CYFIP2: variants seen among roughly 807,000 people sequenced by gnomAD.
CYFIP2 encodes cytoplasmic FMR1 interacting protein 2.
CYFIP2 carries 29 observed loss-of-function variants against 158.7 expected under a neutral mutation model. The ratio of observed to expected loss-of-function variants is 0.18; its 90% CI spans 0.14 to 0.25. The LOEUF (loss-of-function observed/expected upper bound fraction) is 0.25, where lower values mean the gene tolerates loss of function less well. Ranked by LOEUF, CYFIP2 falls within the 10% of genes least tolerant of loss-of-function variation. The pLI, the probability that CYFIP2 is intolerant of heterozygous loss-of-function variation, is 1.00. For synonymous variants in CYFIP2, 585 were observed against 617.6 expected, an observed-to-expected ratio of 0.95 and a Z score of 0.78; for missense variants, 852 against 1,639.5, an observed-to-expected ratio of 0.52 and a Z score of 8.29.
At chr5:157,379,470 TAAAAAAAAACTTCCAAC>T (rs1466936064) in intron 26 of CYFIP2, among the ~76,000 whole-genome samples, 1 of 147,458 alleles carries the variant, frequency 6.8e-6, no homozygotes, top group Non-Finnish European at 1.5e-5. Context: ...TTCCTACTTA[TAAAAAAAAACTTCCAAC>T]AAAAAAAAAC....
intron 19 of CYFIP2, among the ~76,000 whole-genome samples, chr5:157,328,959 A>G (rs1330461725): frequency 6.6e-6 from 1 of 152,222 alleles, no homozygotes; most frequent in Non-Finnish European, 1.5e-5. Flanking sequence ...AATTTTATAT[A>G]TAGGTATTTC....
chr5:157,382,130 A>T (rs1456741279), intron 26 of CYFIP2, among the ~76,000 whole-genome samples: 1 of 152,182 alleles, frequency 6.6e-6, no homozygotes, highest in East Asian at 1.9e-4. Context: ...GAGAAAACCA[A>T]TCAGACATAG....
At chr5:157,326,749 C>T (rs1389798164) in intron 18 of CYFIP2, among the ~76,000 whole-genome samples, 1 of 152,174 alleles carries the variant, frequency 6.6e-6, no homozygotes, top group East Asian at 1.9e-4. Flanking sequence ...CCACCTTGAC[C>T]TTATGGATTC....
intron 25 of CYFIP2, 95 bp downstream of exon 25, chr5:157,360,467 G>GGCATGTT: frequency 4.1e-6 from 4 of 983,976 alleles, no homozygotes; most frequent in East Asian, 2.5e-5. Context: ...ACATGCCAGT[G>GGCATGTT]AGCTGGCAGA....
At chr5:157,312,995 A>G (rs1394210055) in intron 11 of CYFIP2, among the ~76,000 whole-genome samples, 1 of 152,220 alleles carries the variant, frequency 6.6e-6, no homozygotes, top group African/African-American at 2.4e-5. Context: ...TACAGGCATC[A>G]GCCGCTGCAC....
chr5:157,307,744 C>T lies in CYFIP2; in HGVS notation c.796-17C>T, dbSNP rs371375192. On this transcript the variant is annotated splice_polypyrimidine_tract_variant and intron_variant, in intron 8 of 30. Coordinates refer to ENST00000620254, the MANE Select transcript of CYFIP2 (RefSeq NM_001037333.3). Reference sequence around the variant, plus strand: ...AGATGTGATTAGTTTCTATGCTCTGCCCTCTTCTCATTCTAGGTGATGGGC... The same window carrying T: ...AGATGTGATTAGTTTCTATGCTCTGTCCTCTTCTCATTCTAGGTGATGGGC... The T allele has an allele frequency of 1.2e-4, 177 of 1,531,684 alleles. No homozygotes were observed. The highest frequency in any genetic ancestry group is 1.5e-4 in the Non-Finnish European group (170 of 1,110,354). The allele number at this position is 1,531,684 out of a possible 1,614,324, so 94.9% of individuals were successfully genotyped here.
At chr5:157,285,255 C>A in intron 1 of CYFIP2, 84 bp from the exon 2 acceptor site, 1 of 899,612 alleles carries the variant, frequency 1.1e-6, no homozygotes, top group Non-Finnish European at 1.8e-6. Flanking sequence ...TTTATTCTCC[C>A]AAAGGATGCT....
At chr5:157,292,782 G>A (rs200691265) in intron 3 of CYFIP2, among the ~76,000 whole-genome samples, 3 of 151,842 alleles carry the variant, frequency 2.0e-5, no homozygotes, top group East Asian at 3.9e-4. Flanking sequence ...TTACTGGGTC[G>A]AATGGTAACT....
chr5:157,296,793 G>A lies in CYFIP2; in HGVS notation c.387+19G>A. 6.3e-7 allele frequency: 1 copy of A among 1,599,220 alleles called. No individual in the cohort carries two copies. Among genetic ancestry groups the A allele is most frequent in the Admixed American group, 1.7e-5 (1 of 59,526 alleles). On this transcript the variant is annotated intron_variant, in intron 5 of 30. Transcript: ENST00000620254. ...TTTTCAGGTGAGTGGGGAGGGGCAGGTCTGCATCTGGAGAACTGAAAAGGC... is the reference window on the plus strand; with the variant it reads ...TTTTCAGGTGAGTGGGGAGGGGCAGATCTGCATCTGGAGAACTGAAAAGGC...
rs772875449 is a variant in CYFIP2, at chr5:157,342,956, A to G, written c.2673+1799A>G. 9 of 1,614,230 alleles carry G rather than the reference A, an allele frequency of 5.6e-6. No homozygotes were observed. In the East Asian group the frequency reaches 2.0e-4, roughly 36 times the overall value. ...GGCATCCTGGTTGGCTTCGGGATCC[A>G]GTTCAGCTCCATCTCTGGAGTTCTT... On this transcript the variant is annotated intron_variant, in intron 23 of 30. Coordinates refer to ENST00000620254, the MANE Select transcript of CYFIP2 (RefSeq NM_001037333.3).
At chr5:157,296,900 A>C (rs1758295661) in intron 5 of CYFIP2, 126 bp downstream of exon 5, 1 of 726,352 alleles carries the variant, frequency 1.4e-6, no homozygotes. Context: ...ACTGTGCCCT[A>C]CACATCCCTG....
At chr5:157,278,193 C>T (rs72807081) in intron 1 of CYFIP2, among the ~76,000 whole-genome samples, 2,072 of 151,504 alleles carry the variant, frequency 0.014, 19 homozygotes, top group Non-Finnish European at 0.02. Flanking sequence ...TATATGTATA[C>T]ATATGTGTAT....
chr5:157,324,242 C>G (rs1389698648), intron 16 of CYFIP2, among the ~76,000 whole-genome samples, 168 bp downstream of exon 16: 1 of 152,226 alleles, frequency 6.6e-6, no homozygotes, highest in Non-Finnish European at 1.5e-5. Flanking sequence ...GCTTTTGGAG[C>G]TAGGAAAGGC....
intron 19 of CYFIP2, 39 bp from the exon 20 acceptor site, chr5:157,330,703 A>G (rs1761388442): frequency 2.6e-6 from 4 of 1,538,632 alleles, no homozygotes; most frequent in African/African-American, 2.7e-5. Context: ...GTCATTCACA[A>G]TCTGTTTACT....
chr5:157,326,723 G>A (rs1761050679), intron 18 of CYFIP2, among the ~76,000 whole-genome samples: 1 of 152,220 alleles, frequency 6.6e-6, no homozygotes, highest in Admixed American at 6.5e-5. Context: ...GGAGAATGGG[G>A]CCTGAGTGCA....
At chr5:157,344,113 C>T (rs984118832) in intron 23 of CYFIP2, among the ~76,000 whole-genome samples, 1 of 152,168 alleles carries the variant, frequency 6.6e-6, no homozygotes, top group Admixed American at 6.5e-5. Flanking sequence ...GCTGATCTCA[C>T]CCCAAAGCTT....
chr5:157,285,860 C>T (rs1292073020), intron 2 of CYFIP2, among the ~76,000 whole-genome samples: 2 of 152,204 alleles, frequency 1.3e-5, no homozygotes, highest in Admixed American at 1.3e-4. Context: ...GGCACTACAA[C>T]ACCTCATAGC....
intron 13 of CYFIP2, among the ~76,000 whole-genome samples, chr5:157,318,603 T>C (rs75402155): frequency 0.012 from 1,888 of 152,342 alleles, 13 homozygotes; most frequent in Non-Finnish European, 0.018. Flanking sequence ...CCTTTAAGTT[T>C]TAGAGAAAAA....
chr5:157,390,741 C>A, intron 30 of CYFIP2, 73 bp downstream of exon 30: 1 of 1,544,568 alleles, frequency 6.5e-7, no homozygotes, highest in African/African-American at 1.4e-5. Flanking sequence ...GAAAAGCAAA[C>A]AAGGAGGAGC....
Sources: gnomAD v4.1 joint callset for allele counts (sites outside exome capture counted in the v4.1 genomes callset) on GRCh38, gnomAD v4.1.1 for gene constraint, MANE v1.5 for transcripts, NCBI Gene and HGNC (gene_info 2026-07-23, HGNC 2026-07-21) for gene names.